Variants in ILDR1 observed in about 807,000 individuals in gnomAD.
The protein encoded by ILDR1 is immunoglobulin like domain containing receptor 1.
A neutral mutation model predicts 62.4 loss-of-function variants in ILDR1; 56 were observed. That is an observed-to-expected ratio of 0.90 (90% CI 0.72 to 1.12). The LOEUF (loss-of-function observed/expected upper bound fraction) is 1.12. ILDR1 is among the 50% of genes most tolerant of loss of function. The pLI is 0.00. For missense variants in ILDR1, 736 were observed against 710.6 expected (o/e 1.04, Z -0.41); for synonymous variants, 284 against 277.8 (o/e 1.02, Z -0.22).
the ILDR1 span, among the ~76,000 whole-genome samples, chr3:122,057,500 T>C: frequency 1.3e-5 from 2 of 152,232 alleles, no homozygotes; most frequent in African/African-American, 2.4e-5. Flanking sequence ...TTATACATGA[T>C]ACATGTATAC....
chr3:122,039,631 TA>T, the ILDR1 span, among the ~76,000 whole-genome samples: 1 of 151,968 alleles, frequency 6.6e-6, no homozygotes, highest in Non-Finnish European at 1.5e-5. Flanking sequence ...CAAGAAATTT[TA>T]AAAGAAAAAA....
intron 1 of ILDR1, among the ~76,000 whole-genome samples, chr3:122,013,636 A>G (rs1000717509): frequency 1.3e-5 from 2 of 152,194 alleles, no homozygotes; most frequent in Admixed American, 1.3e-4. Flanking sequence ...GGGACTAGCT[A>G]TGAACAAGAA....
the ILDR1 span, among the ~76,000 whole-genome samples, chr3:122,041,335 T>G: frequency 6.6e-6 from 1 of 152,188 alleles, no homozygotes; most frequent in Non-Finnish European, 1.5e-5. Context: ...TAAAAGTGAA[T>G]TAGGTCCCTT....
chr3:122,021,360 G>C (rs1472194865), intron 1 of ILDR1, among the ~76,000 whole-genome samples: 3 of 152,308 alleles, frequency 2.0e-5, no homozygotes, highest in East Asian at 3.9e-4. Flanking sequence ...GACACACACA[G>C]AGATACACAA....
the ILDR1 span, among the ~76,000 whole-genome samples, chr3:122,045,123 G>C: frequency 1.3e-5 from 2 of 151,496 alleles, no homozygotes; most frequent in African/African-American, 2.4e-5. Flanking sequence ...TTGTGTCTTT[G>C]TTCTCGTTGG....
At chr3:122,039,200 C>A in the ILDR1 span, among the ~76,000 whole-genome samples, 5 of 151,686 alleles carry the variant, frequency 3.3e-5, no homozygotes, top group Non-Finnish European at 5.9e-5. Flanking sequence ...GAAATAATAA[C>A]CAAGAATTTG....
the ILDR1 span, among the ~76,000 whole-genome samples, chr3:122,029,533 T>TATATA: frequency 6.7e-6 from 1 of 148,710 alleles, no homozygotes; most frequent in South Asian, 2.1e-4. Context: ...TATATATATA[T>TATATA]TTAGGGGAAT....
the ILDR1 span, among the ~76,000 whole-genome samples, chr3:122,039,719 G>T: frequency 2.2e-3 from 338 of 152,064 alleles, 3 homozygotes; most frequent in African/African-American, 7.6e-3. Context: ...GAAGAGATTT[G>T]AAAACAGAAT....
intron 2 of ILDR1, 147 bp from the exon 3 acceptor site, chr3:122,005,540 A>ATCCTGATTCTGTTAATGC: frequency 1.3e-6 from 1 of 793,992 alleles, no homozygotes; most frequent in South Asian, 1.7e-5. Context: ...GTTAATCACG[A>ATCCTGATTCTGTTAATGC]AGATCCTGAT....
chr3:122,055,512 T>C, the ILDR1 span: 1 of 1,613,778 alleles, frequency 6.2e-7, no homozygotes, highest in East Asian at 2.2e-5. Context: ...TGGTGAGTAA[T>C]AATTCTTATT....
At chr3:122,055,325 C>T in the ILDR1 span, 1 of 628,288 alleles carries the variant, frequency 1.6e-6, no homozygotes. Context: ...AAAAGAGGAA[C>T]AGCTTCTCTT....
At chr3:122,018,406 A>AGGGGG (rs2071808965) in intron 1 of ILDR1, among the ~76,000 whole-genome samples, 1 of 99,406 alleles carries the variant, frequency 1.0e-5, no homozygotes, top group African/African-American at 3.8e-5. Flanking sequence ...GGGGGGGGGT[A>AGGGGG]GGGGAGGGAT....
chr3:122,019,566 A>T (rs990541264), intron 1 of ILDR1, among the ~76,000 whole-genome samples: 1 of 152,186 alleles, frequency 6.6e-6, no homozygotes, highest in Non-Finnish European at 1.5e-5. Flanking sequence ...GGGAGTAGAG[A>T]AGGACTTATG....
At chr3:122,021,938 C>T (rs1428045818) in intron 1 of ILDR1, 82 bp downstream of exon 1, 3 of 1,392,044 alleles carry the variant, frequency 2.2e-6, no homozygotes, top group Non-Finnish European at 3.0e-6. Context: ...CTGCCCTGCC[C>T]GCGGCCAGCT....
the ILDR1 span, among the ~76,000 whole-genome samples, chr3:122,058,482 G>A: frequency 1.3e-5 from 2 of 152,198 alleles, no homozygotes; most frequent in Non-Finnish European, 2.9e-5. Context: ...AGCTACTGGG[G>A]CTTTTGTAGG....
intron 5 of ILDR1, among the ~76,000 whole-genome samples, chr3:121,995,541 G>A (rs2107647669): frequency 6.6e-6 from 1 of 152,256 alleles, no homozygotes; most frequent in Non-Finnish European, 1.5e-5. Flanking sequence ...CCCCAGAAAT[G>A]TCCGGAGCTC....
the ILDR1 span, among the ~76,000 whole-genome samples, chr3:122,059,257 T>A: frequency 6.6e-6 from 1 of 151,018 alleles, no homozygotes; most frequent in Non-Finnish European, 1.5e-5. Flanking sequence ...AGCAGAGAGG[T>A]TGGAGGATTG....
intron 7 of ILDR1, 75 bp downstream of exon 7, chr3:121,993,075 G>T: frequency 1.6e-6 from 2 of 1,216,596 alleles, no homozygotes; most frequent in African/African-American, 1.5e-5. Context: ...GGCAGCCTGT[G>T]TTGGCTGTGG....
the ILDR1 span, among the ~76,000 whole-genome samples, chr3:122,058,448 T>C: frequency 2.0e-5 from 3 of 152,080 alleles, no homozygotes; most frequent in Admixed American, 6.5e-5. Flanking sequence ...AAAGAGCTAG[T>C]GCAAGAGAGA....
Sources: gnomAD v4.1 joint callset for allele counts (sites outside exome capture counted in the v4.1 genomes callset) on GRCh38, gnomAD v4.1.1 for gene constraint, MANE v1.5 for transcripts, NCBI Gene and HGNC (gene_info 2026-07-23, HGNC 2026-07-21) for gene names.